The following CDK5RAP2 variants were observed in gnomAD, a reference collection of about 807,000 sequenced individuals.
CDK5RAP2 encodes the protein CDK5 regulatory subunit associated protein 2.
A neutral mutation model predicts 232.9 loss-of-function variants in CDK5RAP2; 147 were observed. The observed-to-expected ratio is 0.63, with a 90% CI of 0.55 to 0.72. CDK5RAP2 has a LOEUF of 0.72. Ranked by LOEUF, CDK5RAP2 falls within the 30% of genes least tolerant of loss-of-function variation. The pLI is 0.00. For missense variants in CDK5RAP2, 2,195 were observed against 2,231.5 expected (o/e 0.98, Z 0.33); for synonymous variants, 833 against 833.7 (o/e 1.00, Z 0.01).
chr9:120,484,751 T>TG (rs2038503964), intron 14 of CDK5RAP2, among the ~76,000 whole-genome samples: 1 of 152,010 alleles, frequency 6.6e-6, no homozygotes, highest in African/African-American at 2.4e-5. Context: ...ATAAAGAGAC[T>TG]GGGGCTCACT....
intron 12 of CDK5RAP2, among the ~76,000 whole-genome samples, chr9:120,502,911 C>T (rs987114359): frequency 6.6e-6 from 1 of 152,150 alleles, no homozygotes; most frequent in Admixed American, 6.5e-5. Flanking sequence ...CAAACACAGG[C>T]CAAGGCATTT....
chr9:120,531,328 C>G (rs1039701120), intron 7 of CDK5RAP2, among the ~76,000 whole-genome samples: 1 of 151,964 alleles, frequency 6.6e-6, no homozygotes, highest in African/African-American at 2.4e-5. Flanking sequence ...AATTAAGCTC[C>G]CCTCCAGGAA....
intron 4 of CDK5RAP2, 51 bp downstream of exon 4, chr9:120,550,741 A>G: frequency 9.8e-7 from 1 of 1,021,000 alleles, no homozygotes; most frequent in Non-Finnish European, 1.6e-6. Flanking sequence ...TCTGCTTGAA[A>G]TGACAATGAG....
chr9:120,422,493 G>C (rs931234558), intron 26 of CDK5RAP2, among the ~76,000 whole-genome samples, 200 bp downstream of exon 26: 3 of 152,200 alleles, frequency 2.0e-5, no homozygotes, highest in Non-Finnish European at 4.4e-5. Context: ...AACCTGAAAT[G>C]AATGAATGAA....
At chr9:120,552,691 T>C (rs2042087411) in intron 3 of CDK5RAP2, among the ~76,000 whole-genome samples, 1 of 90,334 alleles carries the variant, frequency 1.1e-5, no homozygotes, top group African/African-American at 4.5e-5. Flanking sequence ...CAGGGCCTGT[T>C]GTGGGGTGGG....
intron 10 of CDK5RAP2, among the ~76,000 whole-genome samples, chr9:120,525,914 A>C (rs1038546560): frequency 6.6e-6 from 1 of 152,214 alleles, no homozygotes; most frequent in African/African-American, 2.4e-5. Context: ...CACCATGCCC[A>C]AAGTGACTAC....
chr9:120,470,142 T>C lies in CDK5RAP2; in HGVS notation c.1937A>G (p.Glu646Gly), dbSNP rs2037610632. 6.3e-7 allele frequency: 1 copy of C among 1,583,338 alleles called. No individual in the cohort carries two copies. Among genetic ancestry groups the C allele is most frequent in the Non-Finnish European group, 8.7e-7 (1 of 1,153,590 alleles). The change falls in exon 17 of 38, where the codon GAA (glutamate) becomes GGA (glycine). Residue 646 changes from glutamate (E) to glycine (G), a missense_variant. Transcript: ENST00000349780. ...CLEENNRFQV[E>G]HFSQEELKKK... is the part of the protein sequence containing the mutation. Reference sequence around the variant, plus strand: ...CTTAAGTTCTTCTTGAGAAAAATGTTCCACTTGAAACCGATTGTTTTCTTC... The same window carrying C: ...CTTAAGTTCTTCTTGAGAAAAATGTCCCACTTGAAACCGATTGTTTTCTTC...
intron 8 of CDK5RAP2, among the ~76,000 whole-genome samples, chr9:120,529,416 T>G (rs967346537): frequency 6.6e-6 from 1 of 152,208 alleles, no homozygotes; most frequent in African/African-American, 2.4e-5. Flanking sequence ...AACCCATCTC[T>G]TGGAACCTGG....
intron 11 of CDK5RAP2, among the ~76,000 whole-genome samples, chr9:120,520,485 A>C (rs969154863): frequency 3.3e-5 from 5 of 152,152 alleles, no homozygotes; most frequent in African/African-American, 1.2e-4. Context: ...TCTACCAAAA[A>C]TACAAAAATT....
chr9:120,427,373 T>A (rs1315652775), intron 25 of CDK5RAP2, among the ~76,000 whole-genome samples: 1 of 152,234 alleles, frequency 6.6e-6, no homozygotes, highest in East Asian at 1.9e-4. Context: ...TGGACAAGCT[T>A]AAATAATGTC....
intron 12 of CDK5RAP2, among the ~76,000 whole-genome samples, chr9:120,508,796 C>G (rs952364021): frequency 1.3e-5 from 2 of 152,238 alleles, no homozygotes; most frequent in East Asian, 3.8e-4. Flanking sequence ...ATTCTTTGTG[C>G]TTCCAAAGCA....
intron 31 of CDK5RAP2, chr9:120,407,830 A>G (rs1175718543): frequency 1.4e-5 from 3 of 212,574 alleles, no homozygotes; most frequent in Non-Finnish European, 2.9e-5. Flanking sequence ...CGAGGCCAAC[A>G]ACCATCCCCA....
chr9:120,401,313 T>C (rs1023162193), intron 34 of CDK5RAP2, among the ~76,000 whole-genome samples: 2 of 152,094 alleles, frequency 1.3e-5, no homozygotes, highest in Admixed American at 1.3e-4. Context: ...CAGGGTCTTG[T>C]ACTGCTGGCA....
At position 120,487,951 on chromosome 9, in the gene CDK5RAP2, C is replaced by T. The variant is rs77065726; in HGVS notation, c.1483-514G>A. ...GAGATCTGACTTCCAGGAAAAAAAG[C>T]CAAGACTGCAAATACTGCTTTAGGG... On this transcript the variant is annotated intron_variant, in intron 13 of 37. Coordinates refer to ENST00000349780, the MANE Select transcript of CDK5RAP2 (RefSeq NM_018249.6). Among the ~76,000 whole-genome samples, 467 of 152,290 alleles carry T rather than the reference C, an allele frequency of 3.1e-3. 1 individual carries two copies. Among genetic ancestry groups the T allele is most frequent in the African/African-American group, 0.01 (427 of 41,564 alleles).
chr9:120,530,465 T>A (rs1450592891), intron 7 of CDK5RAP2, among the ~76,000 whole-genome samples: 1 of 152,034 alleles, frequency 6.6e-6, no homozygotes, highest in Admixed American at 6.6e-5. Flanking sequence ...AAATCCTCTC[T>A]CCAAAAGATA....
chr9:120,393,091 G>A lies in CDK5RAP2; in HGVS notation c.5578+1421C>T, dbSNP rs539993414. On this transcript the variant is annotated intron_variant, in intron 36 of 37. Transcript: ENST00000349780. ...CTCTCTCACCCCTGGGAGCACACCA[G>A]CAAGTCCACAGGGCCATCTGCCAGA... 2.0e-5 allele frequency among the ~76,000 whole-genome samples: 3 copies of A among 152,266 alleles called. No individual in the cohort carries two copies. The South Asian group carries it at 6.2e-4, about 32-fold the overall frequency.
chr9:120,394,742 CA>C, intron 35 of CDK5RAP2, 104 bp from the exon 36 acceptor site: 1 of 970,392 alleles, frequency 1.0e-6, no homozygotes, highest in Non-Finnish European at 1.6e-6. Flanking sequence ...ACCTCACTAG[CA>C]AAAATATTTG....
chr9:120,422,796 C>T (rs2034646839), intron 25 of CDK5RAP2, 55 bp from the exon 26 acceptor site: 6 of 1,347,452 alleles, frequency 4.5e-6, no homozygotes, highest in Middle Eastern at 3.6e-4. Flanking sequence ...TTTAAGTGTT[C>T]CCTAATAATT....
chr9:120,550,943 G>T, intron 3 of CDK5RAP2, 41 bp from the exon 4 acceptor site: 1 of 1,170,222 alleles, frequency 8.5e-7, no homozygotes, highest in Non-Finnish European at 1.3e-6. Context: ...GCAAACAAAA[G>T]ACAGAGGGTC....
Sources: gnomAD v4.1 joint callset for allele counts (sites outside exome capture counted in the v4.1 genomes callset) on GRCh38, gnomAD v4.1.1 for gene constraint, MANE v1.5 for transcripts, NCBI Gene and HGNC (gene_info 2026-07-23, HGNC 2026-07-21) for gene names.